Variants in MACROD2 observed in about 807,000 individuals in gnomAD.
MACROD2 encodes the protein mono-ADP ribosylhydrolase 2, also known as ADP-ribose glycohydrolase MACROD2.
MACROD2 carries 36 observed loss-of-function variants against 70.4 expected under a neutral mutation model. That is an observed-to-expected ratio of 0.51 (90% CI 0.39 to 0.68). The LOEUF is 0.68. Ranked by LOEUF, MACROD2 falls within the 30% of genes least tolerant of loss-of-function variation. The pLI, the probability that MACROD2 is intolerant of heterozygous loss-of-function variation, is 0.00. For synonymous variants in MACROD2, 172 were observed against 178.8 expected (o/e 0.96, Z 0.30); for missense variants, 496 against 538.4 (o/e 0.92, Z 0.78).
At chr20:14,120,812 A>G (rs2054578121) in intron 3 of MACROD2, among the ~76,000 whole-genome samples, 1 of 151,814 alleles carries the variant, frequency 6.6e-6, no homozygotes, top group Non-Finnish European at 1.5e-5. Flanking sequence ...ACACAGGAAC[A>G]GAAAACCAAA....
intron 5 of MACROD2, among the ~76,000 whole-genome samples, chr20:15,135,119 G>A (rs1413639539): frequency 4.6e-5 from 7 of 151,686 alleles, no homozygotes; most frequent in Non-Finnish European, 7.4e-5. Context: ...ATTCACAGCC[G>A]AATTCTACCA....
intron 5 of MACROD2, among the ~76,000 whole-genome samples, chr20:14,708,030 T>C (rs1440292081): frequency 3.3e-5 from 5 of 152,210 alleles, no homozygotes; most frequent in Non-Finnish European, 7.3e-5. Flanking sequence ...TAGGAAACTC[T>C]GAGCTCTTTG....
intron 5 of MACROD2, among the ~76,000 whole-genome samples, chr20:14,806,250 T>A (rs576644779): frequency 3.9e-5 from 6 of 152,158 alleles, no homozygotes; most frequent in Admixed American, 1.3e-4. Context: ...CCAACTGAGG[T>A]ACCCGGTTGA....
At chr20:15,756,433 G>A (rs987954524) in intron 8 of MACROD2, among the ~76,000 whole-genome samples, 6 of 152,070 alleles carry the variant, frequency 3.9e-5, no homozygotes, top group Non-Finnish European at 7.3e-5. Flanking sequence ...TTTACAAGGA[G>A]GTCACATATC....
intron 4 of MACROD2, among the ~76,000 whole-genome samples, chr20:14,498,925 G>T (rs1202181537): frequency 1.3e-5 from 2 of 152,204 alleles, no homozygotes; most frequent in Non-Finnish European, 2.9e-5. Context: ...ATGTGGCTGG[G>T]CTTCAGGCAT....
At position 15,290,654 on chromosome 20, in the gene MACROD2, C is replaced by T. The variant is rs2077533461; in HGVS notation, c.540+60593C>T. On this transcript the variant is annotated intron_variant, in intron 6 of 17. Coordinates refer to ENST00000684519, the MANE Select transcript of MACROD2 (RefSeq NM_001351661.2). ...AGAACTCCACCAAGCCGTGAAATCA[C>T]AACAGGTTCATTTATTGGAGAAAAT... 5.3e-5 allele frequency among the ~76,000 whole-genome samples: 8 copies of T among 152,210 alleles called. No homozygotes were observed. The South Asian group carries it at 1.7e-3, about 32-fold the overall frequency.
chr20:14,983,310 T>C (rs1346593517), intron 5 of MACROD2, among the ~76,000 whole-genome samples: 2 of 152,098 alleles, frequency 1.3e-5, no homozygotes, highest in Non-Finnish European at 2.9e-5. Context: ...CTGTGGACTT[T>C]TGGGTTAATG....
intron 11 of MACROD2, among the ~76,000 whole-genome samples, chr20:15,934,207 C>A (rs2065623295): frequency 1.3e-5 from 2 of 152,222 alleles, no homozygotes; most frequent in African/African-American, 4.8e-5. Context: ...TACTGTTTGC[C>A]AAGCACATCC....
chr20:14,519,798 A>G (rs879046063), intron 4 of MACROD2, among the ~76,000 whole-genome samples: 1 of 152,200 alleles, frequency 6.6e-6, no homozygotes, highest in Admixed American at 6.5e-5. Flanking sequence ...CATAATAGCA[A>G]AGACATAGAA....
chr20:14,783,919 A>G (rs980224361), intron 5 of MACROD2, among the ~76,000 whole-genome samples: 1 of 152,098 alleles, frequency 6.6e-6, no homozygotes, highest in African/African-American at 2.4e-5. Context: ...CCTCTTAGAC[A>G]TTAAGTCCTG....
At chr20:14,726,965 T>G (rs993714378) in intron 5 of MACROD2, among the ~76,000 whole-genome samples, 2 of 152,212 alleles carry the variant, frequency 1.3e-5, no homozygotes, top group African/African-American at 4.8e-5. Flanking sequence ...GCAGTCTTAT[T>G]TATAATTGAA....
chr20:14,426,073 A>C (rs1600226441), intron 3 of MACROD2, among the ~76,000 whole-genome samples: 1 of 152,092 alleles, frequency 6.6e-6, no homozygotes, highest in African/African-American at 2.4e-5. Flanking sequence ...GTTTATTTCT[A>C]TCCGTTGTAA....
chr20:15,059,761 G>A (rs1222979689), intron 5 of MACROD2, among the ~76,000 whole-genome samples: 1 of 152,184 alleles, frequency 6.6e-6, no homozygotes, highest in South Asian at 2.1e-4. Flanking sequence ...AAAGAGAACA[G>A]AATTTTTTAA....
At chr20:14,355,908 G>A (rs1053619628) in intron 3 of MACROD2, among the ~76,000 whole-genome samples, 13 of 152,120 alleles carry the variant, frequency 8.5e-5, no homozygotes, top group Non-Finnish European at 4.4e-5. Flanking sequence ...CTTTGGGGAG[G>A]GAGTAGAACA....
intron 6 of MACROD2, among the ~76,000 whole-genome samples, chr20:15,346,479 C>T (rs1489797968): frequency 6.6e-6 from 1 of 152,088 alleles, no homozygotes; most frequent in Non-Finnish European, 1.5e-5. Flanking sequence ...CAGCGAAGTT[C>T]ACATATTGTT....
intron 3 of MACROD2, among the ~76,000 whole-genome samples, chr20:14,449,895 A>G (rs1269830766): frequency 6.6e-6 from 1 of 152,086 alleles, no homozygotes; most frequent in Non-Finnish European, 1.5e-5. Flanking sequence ...ATTTCAGATT[A>G]AAAGGAGCAG....
At chr20:15,217,635 G>T (rs1423667751) in intron 5 of MACROD2, among the ~76,000 whole-genome samples, 1 of 151,776 alleles carries the variant, frequency 6.6e-6, no homozygotes, top group African/African-American at 2.4e-5. Context: ...TCATTATAGT[G>T]CCTCTCAAGC....
Position 14,408,787 on chromosome 20 carries a change from A to C in MACROD2, c.272-84692A>C, listed in dbSNP as rs183017268. 2.0e-3 allele frequency among the ~76,000 whole-genome samples: 300 copies of C among 152,316 alleles called. 2 individuals carry two copies. The highest frequency in any genetic ancestry group is 0.017 in the Middle Eastern group (5 of 294). On this transcript the variant is annotated intron_variant, in intron 3 of 17. Coordinates refer to ENST00000684519, the MANE Select transcript of MACROD2 (RefSeq NM_001351661.2). ...TATAGGCACTGGCTATTTCAGATCA[A>C]GTAAAGTTTACCTCTAGAGAGAAGC...
intron 8 of MACROD2, among the ~76,000 whole-genome samples, chr20:15,558,250 T>A: frequency 6.6e-6 from 1 of 152,178 alleles, no homozygotes; most frequent in East Asian, 1.9e-4. Flanking sequence ...GCCATTCCAT[T>A]CTGATTATCC....
Sources: gnomAD v4.1 joint callset for allele counts (sites outside exome capture counted in the v4.1 genomes callset) on GRCh38, gnomAD v4.1.1 for gene constraint, MANE v1.5 for transcripts, NCBI Gene and HGNC (gene_info 2026-07-23, HGNC 2026-07-21) for gene names.